OR6N2: variants seen among roughly 807,000 people sequenced by gnomAD.
OR6N2 encodes olfactory receptor 6N2.
For synonymous variants in OR6N2, 160 were observed against 138.3 expected, an observed-to-expected ratio of 1.16 and a Z score of -1.10; for missense variants, 399 against 379.7, an observed-to-expected ratio of 1.05 and a Z score of -0.42.
In OR6N2 at chr1:158,776,557, T is replaced by A. The variant is rs1333719125; in HGVS notation, c.*125A>T. The A allele has an allele frequency of 7.4e-6, 4 of 543,504 alleles. No individual in the cohort carries two copies. The highest frequency in any genetic ancestry group is 1.3e-5 in the Non-Finnish European group (4 of 312,056). 33.7% of individuals were successfully genotyped at this position (543,504 alleles called of 1,614,324 possible). ...AAAGATGTAGAAAATGAGAAAATCA[T>A]AAAGAAATGAAGTCTTTGAAGAGGT... On this transcript the variant is annotated 3_prime_UTR_variant, in exon 2 of 2. Transcript: ENST00000641131.
chr1:158,777,130 C>T lies in OR6N2; in HGVS notation c.506G>A (p.Cys169Tyr), dbSNP rs768656708. 8.1e-6 allele frequency: 13 copies of T among 1,613,950 alleles called. No homozygotes were observed. Among genetic ancestry groups the T allele is most frequent in the African/African-American group, 1.3e-5 (1 of 74,886 alleles). Residue 169 changes from cysteine to tyrosine, a missense_variant, in exon 2 of 2, where the codon TGT becomes TAT. Physicochemically the swap from Cys to Tyr is radical, Grantham distance 194. Coordinates refer to ENST00000641131, the MANE Select transcript of OR6N2 (RefSeq NM_001005278.2). ...AATGTGTTGGATTTCATTGTAAGCA[C>T]AAAATGGGAGCTGGGAGGCAAGGAT... ...EVILASQLPF[C>Y]AYNEIQHIFC... is the part of the protein sequence containing the mutation.
chr1:158,777,289 G>A lies in OR6N2; in HGVS notation c.347C>T (p.Thr116Ile), dbSNP rs1248159432. ...CAGGTATCTATCATAGGCCATGGCT[G>A]TAAGAAGGTAGCATTCAGACGCTCC... ...SLGASECYLL[T>I]AMAYDRYLAI... is the part of the protein sequence containing the mutation. The change falls in exon 2 of 2, where the codon ACA becomes ATA. Residue 116 changes from threonine (T) to isoleucine (I), a missense_variant. Thr to Ile is a moderately conservative substitution (Grantham distance 89). Transcript: ENST00000641131. The A allele has an allele frequency of 6.8e-6, 11 of 1,614,144 alleles. No homozygotes were observed. The highest frequency in any genetic ancestry group is 9.3e-6 in the Non-Finnish European group (11 of 1,179,986).
chr1:158,777,325 A>G lies in OR6N2; in HGVS notation c.311T>C (p.Phe104Ser). ...FAGCLLQTYF[F>S]HSLGASECYL... Reference sequence around the variant, plus strand: ...GCATTCAGACGCTCCCAAGGAGTGGAAGAAGTAGGTCTGAAGGAGGCATCC... The same window carrying G: ...GCATTCAGACGCTCCCAAGGAGTGGGAGAAGTAGGTCTGAAGGAGGCATCC... Residue 104 changes from phenylalanine (F) to serine (S), a missense_variant, in exon 2 of 2, where the codon TTC becomes TCC. Physicochemically the swap from Phe to Ser is radical, Grantham distance 155. Transcript: ENST00000641131. The G allele has an allele frequency of 6.2e-7, 1 of 1,614,184 alleles. No homozygotes were observed. Among genetic ancestry groups the G allele is most frequent in the Non-Finnish European group, 8.5e-7 (1 of 1,180,016 alleles).
Position 158,777,437 on chromosome 1 carries a change from A to C in OR6N2, c.199T>G (p.Ser67Ala), listed in dbSNP as rs756572343. 1 of 1,614,248 alleles carries C rather than the reference A, an allele frequency of 6.2e-7. No homozygotes were observed. Among genetic ancestry groups the C allele is most frequent in the Non-Finnish European group, 8.5e-7 (1 of 1,180,030 alleles). Residue 67 changes from serine to alanine, a missense_variant, in exon 2 of 2, where the codon TCC becomes GCC. By Grantham distance (99) the Ser-to-Ala change is moderately conservative. Transcript: ENST00000641131. Reference protein sequence around the residue: ...TPMYHFVSVLSFLELWYTATT... With the variant: ...TPMYHFVSVLAFLELWYTATT... ...GCTGTATACCACAACTCCAAGAAGGAAAGAACACTGACAAAGTGGTACATA... is the reference window on the plus strand; with the variant it reads ...GCTGTATACCACAACTCCAAGAAGGCAAGAACACTGACAAAGTGGTACATA...
In OR6N2 at chr1:158,776,967, C is replaced by T. The variant is rs771360819; in HGVS notation, c.669G>A (p.Gly223=). The part of the protein sequence containing the change: ...FIMISYARII[G]AVLKIKTASG... ...ATGCTGTTTTTATCTTCAGCACAGC[C>T]CCAATGATCCTTGCATAAGAAATCA... The change falls in exon 2 of 2, where the codon GGG becomes GGA. Residue 223 remains glycine, a synonymous_variant. Transcript: ENST00000641131. 1 of 1,613,968 alleles carries T rather than the reference C, an allele frequency of 6.2e-7. No individual in the cohort carries two copies. Among genetic ancestry groups the T allele is most frequent in the Non-Finnish European group, 8.5e-7 (1 of 1,179,996 alleles).
In OR6N2 at chr1:158,781,043, T is replaced by C. The variant is rs528280300; in HGVS notation, c.-7+127A>G. ...TTGAATTATTTCAAGTCCCAGTTGC[T>C]TAACTCACATTTTCACTAGACCAAT... On this transcript the variant is annotated intron_variant, in intron 1 of 1. Coordinates refer to ENST00000641131, the MANE Select transcript of OR6N2 (RefSeq NM_001005278.2). The C allele has an allele frequency of 5.9e-5, 9 of 152,354 alleles. No homozygotes were observed. The East Asian group carries it at 1.7e-3, about 29-fold the overall frequency. 9.4% of individuals were successfully genotyped at this position (152,354 alleles called of 1,614,324 possible).
chr1:158,777,166 AT>A lies in OR6N2; in HGVS notation c.469del (p.Ile157PhefsTer29). On this transcript the variant is annotated frameshift_variant, in exon 2 of 2. Coordinates refer to ENST00000641131, the MANE Select transcript of OR6N2 (RefSeq NM_001005278.2). LOFTEE classifies it low-confidence loss of function (END_TRUNC). ...CTGGGAGGCAAGGATGACCTCAGAAATGGGACACAGGAAGCCACAAGTCCAA... is the reference window on the plus strand; with the variant it reads ...CTGGGAGGCAAGGATGACCTCAGAAAGGGACACAGGAAGCCACAAGTCCAA... The part of the protein sequence containing the change: ...ACWTCGFLCP[I>X]SEVILASQLP... The A allele has an allele frequency of 6.2e-7, 1 of 1,614,100 alleles. No individual in the cohort carries two copies. Among genetic ancestry groups the A allele is most frequent in the African/African-American group, 1.3e-5 (1 of 75,018 alleles).
chr1:158,779,376 T>G (rs564671255), intron 1 of OR6N2, among the ~76,000 whole-genome samples: 2 of 152,192 alleles, frequency 1.3e-5, no homozygotes, highest in Non-Finnish European at 1.5e-5. Flanking sequence ...ATCCTGACAC[T>G]CGTCACAATG....
Position 158,776,653 on chromosome 1 carries a change from T to G in OR6N2, c.*29A>C. 1 of 1,329,038 alleles carries G rather than the reference T, an allele frequency of 7.5e-7. No individual in the cohort carries two copies. Among genetic ancestry groups the G allele is most frequent in the Non-Finnish European group, 1.1e-6 (1 of 947,574 alleles). 82.3% of individuals were successfully genotyped at this position (1,329,038 alleles called of 1,614,324 possible). On this transcript the variant is annotated 3_prime_UTR_variant, in exon 2 of 2. Coordinates refer to ENST00000641131, the MANE Select transcript of OR6N2 (RefSeq NM_001005278.2). The stretch of plus-strand genomic sequence containing the variant: ...TCAAGGAACTTTTATGAATTGAACA[T>G]TGAGGTGAGAAAGGACATGGGAAGA...
In OR6N2 at chr1:158,777,571, T is replaced by C. The variant is rs374090406; in HGVS notation, c.65A>G (p.Tyr22Cys). ...CAGGACAAAAAGCCAGCCCCTGACA[T>C]AGCCCACACTGGCAAAGCCAAGGAA... ...FVFLGFASVG[Y>C]VRGWLFVLLL... The change falls in exon 2 of 2, where the codon TAT becomes TGT. Residue 22 changes from tyrosine (Y) to cysteine (C), a missense_variant. Physicochemically the swap from Tyr to Cys is radical, Grantham distance 194. Coordinates refer to ENST00000641131, the MANE Select transcript of OR6N2 (RefSeq NM_001005278.2). 6.2e-6 allele frequency: 10 copies of C among 1,613,936 alleles called. No homozygotes were observed. Among genetic ancestry groups the C allele is most frequent in the East Asian group, 2.2e-5 (1 of 44,888 alleles).
Position 158,778,609 on chromosome 1 carries a change from A to G in OR6N2, c.-6-968T>C, listed in dbSNP as rs74543267. ...CTGGTCAGATGTAGACTTTTAAAAC[A>G]TAAGTAAAATTTAACTATTCTGACC... On this transcript the variant is annotated intron_variant, in intron 1 of 1. Transcript: ENST00000641131. Among the ~76,000 whole-genome samples the G allele has an allele frequency of 2.1e-3, 321 of 152,280 alleles. 7 individuals carry two copies. The highest frequency in any genetic ancestry group is 6.9e-3 in the African/African-American group (288 of 41,566).
At chr1:158,778,786 G>A (rs35512110) in intron 1 of OR6N2, among the ~76,000 whole-genome samples, 7,747 of 151,828 alleles carry the variant, frequency 0.051, 396 homozygotes, top group East Asian at 0.15. Context: ...AGGCTGAGGC[G>A]GGTAGATCAC....
chr1:158,779,193 T>C (rs1433935695), intron 1 of OR6N2, among the ~76,000 whole-genome samples: 1 of 152,122 alleles, frequency 6.6e-6, no homozygotes, highest in Non-Finnish European at 1.5e-5. Context: ...AAGCAAAATG[T>C]GTAACAGATG....
At chr1:158,778,886 C>T (rs1447280163) in intron 1 of OR6N2, among the ~76,000 whole-genome samples, 1 of 151,646 alleles carries the variant, frequency 6.6e-6, no homozygotes, top group East Asian at 1.9e-4. Context: ...GGCGTGGTGG[C>T]GGGCACCTGC....
intron 1 of OR6N2, among the ~76,000 whole-genome samples, chr1:158,780,371 G>T (rs1657723039): frequency 6.6e-6 from 1 of 152,158 alleles, no homozygotes; most frequent in Non-Finnish European, 1.5e-5. Context: ...ATTATTGCAT[G>T]ATCAAATGTC....
rs1485343178 is a variant in OR6N2 at position 158,775,979 on chromosome 1, A to G, written c.*703T>C. 2.0e-5 allele frequency: 3 copies of G among 152,210 alleles called. No individual in the cohort carries two copies. The highest frequency in any genetic ancestry group is 7.2e-5 in the African/African-American group (3 of 41,452). 9.4% of individuals were successfully genotyped at this position (152,210 alleles called of 1,614,324 possible). A position where few individuals can be genotyped will look rare whatever the true frequency, so the allele number is the denominator to read the frequency against. The stretch of plus-strand genomic sequence containing the variant: ...AATATATAAATCTAAATCTCAGAGA[A>G]AAATTGTGGTTTGGAGATAAAAATT... On this transcript the variant is annotated 3_prime_UTR_variant, in exon 2 of 2. Transcript: ENST00000641131.
chr1:158,780,734 T>C (rs1410289569), intron 1 of OR6N2, among the ~76,000 whole-genome samples: 2 of 152,212 alleles, frequency 1.3e-5, no homozygotes, highest in Non-Finnish European at 2.9e-5. Flanking sequence ...GTAAGTAGAA[T>C]TATCGTTCAT....
chr1:158,776,604 C>A lies in OR6N2; in HGVS notation c.*78G>T. The A allele has an allele frequency of 1.3e-6, 1 of 751,390 alleles. No individual in the cohort carries two copies. Among genetic ancestry groups the A allele is most frequent in the Non-Finnish European group, 2.2e-6 (1 of 453,022 alleles). The allele number at this position is 751,390 out of a possible 1,614,324, so 46.5% of individuals were successfully genotyped here. A position where few individuals can be genotyped will look rare whatever the true frequency, so the allele number is the denominator to read the frequency against. On this transcript the variant is annotated 3_prime_UTR_variant, in exon 2 of 2. Coordinates refer to ENST00000641131, the MANE Select transcript of OR6N2 (RefSeq NM_001005278.2). The stretch of plus-strand genomic sequence containing the variant: ...AGGTGAAAGGAAATGAAATTCAGAG[C>A]ATGTGTGATGATGGGAAGATTACTC...
At position 158,774,773 on chromosome 1, in the gene OR6N2, CTAGTTACCAGTAT is replaced by C. The variant is rs1657540727; in HGVS notation, c.*1896_*1908del. 6.6e-6 allele frequency: 1 copy of C among 151,660 alleles called. No individual in the cohort carries two copies. Among genetic ancestry groups the C allele is most frequent in the Admixed American group, 6.6e-5 (1 of 15,208 alleles). The allele number at this position is 151,660 out of a possible 1,614,324, so 9.4% of individuals were successfully genotyped here. A position where few individuals can be genotyped will look rare whatever the true frequency, so the allele number is the denominator to read the frequency against. On this transcript the variant is annotated 3_prime_UTR_variant, in exon 2 of 2. Coordinates refer to ENST00000641131, the MANE Select transcript of OR6N2 (RefSeq NM_001005278.2). Reference sequence around the variant, plus strand: ...ATGATGCACAGTAGCTAAGCAAGGACTAGTTACCAGTATTATCCAAGGAAATTCAAAAGGCAGA... The same window carrying C: ...ATGATGCACAGTAGCTAAGCAAGGACTATCCAAGGAAATTCAAAAGGCAGA...
Sources: gnomAD v4.1 joint callset for allele counts (sites outside exome capture counted in the v4.1 genomes callset) on GRCh38, gnomAD v4.1.1 for gene constraint, MANE v1.5 for transcripts, NCBI Gene and HGNC (gene_info 2026-07-23, HGNC 2026-07-21) for gene names.